The following PLEKHG1 variants were observed in gnomAD, a reference collection of about 807,000 sequenced individuals.
PLEKHG1 encodes the protein pleckstrin homology and RhoGEF domain containing G1, also known as pleckstrin homology domain-containing family G member 1.
Under a neutral mutation model 100.8 loss-of-function variants are expected in PLEKHG1, and 44 were observed. The observed-to-expected ratio is 0.44, with a 90% CI of 0.34 to 0.56. The LOEUF (loss-of-function observed/expected upper bound fraction) is 0.56, where lower values mean the gene tolerates loss of function less well. Among genes scored for constraint, PLEKHG1 ranks in the 20% least tolerant of loss-of-function variants. PLEKHG1 has a pLI of 0.01. For missense variants in PLEKHG1, 1,545 were observed against 1,720.9 expected (o/e 0.90, Z 1.81); for synonymous variants, 640 against 662.5 (o/e 0.97, Z 0.52).
At chr6:150,810,531 A>AAAGG (rs1562540272) in intron 10 of PLEKHG1, among the ~76,000 whole-genome samples, 16 of 103,390 alleles carry the variant, frequency 1.5e-4, no homozygotes, top group Non-Finnish European at 3.5e-4. Flanking sequence ...AGAAAGAAAG[A>AAAGG]AAGAAAGGAA....
intron 7 of PLEKHG1, 103 bp downstream of exon 8, chr6:150,804,844 C>G: frequency 1.9e-6 from 2 of 1,039,342 alleles, no homozygotes; most frequent in Non-Finnish European, 2.8e-6. Flanking sequence ...CTACACTCAT[C>G]ATCTTCAGTG....
At chr6:150,716,296 C>G (rs979404802), upstream of PLEKHG1, among the ~76,000 whole-genome samples, 5 of 152,082 alleles carry the variant, frequency 3.3e-5, no homozygotes, top group African/African-American at 7.2e-5. Context: ...GATAAGTAGG[C>G]CACACCTCCT....
chr6:150,768,794 A>G (rs564689381), intron 3 of PLEKHG1, 56 bp downstream of exon 4: 27 of 1,024,950 alleles, frequency 2.6e-5, no homozygotes, highest in Admixed American at 5.4e-5. Flanking sequence ...AAATTTCTCA[A>G]ATGAATGCAG....
chr6:150,657,269 A>G (rs1779006468), intron 3 of PLEKHG1, among the ~76,000 whole-genome samples: 1 of 118,034 alleles, frequency 8.5e-6, no homozygotes, highest in South Asian at 2.7e-4. Context: ...TGCTTTGTAG[A>G]AAGCACTGAG....
intron 7 of PLEKHG1, among the ~76,000 whole-genome samples, chr6:150,807,792 A>C (rs998535661): frequency 6.6e-6 from 1 of 152,078 alleles, no homozygotes; most frequent in Admixed American, 6.6e-5. Flanking sequence ...AACATAGTGA[A>C]ACCCCATCTC....
chr6:150,724,698 TACATGCAC>T, intron 1 of PLEKHG1, among the ~76,000 whole-genome samples: 1 of 151,808 alleles, frequency 6.6e-6, no homozygotes, highest in South Asian at 2.1e-4. Context: ...TAGCTGGGAT[TACATGCAC>T]CTGCCACTAC....
intron 2 of PLEKHG1, among the ~76,000 whole-genome samples, chr6:150,737,952 C>T (rs1392023352): frequency 6.6e-6 from 1 of 151,746 alleles, no homozygotes; most frequent in Non-Finnish European, 1.5e-5. Context: ...TACAGGTGCA[C>T]ACCACCACAC....
intron 3 of PLEKHG1, among the ~76,000 whole-genome samples, chr6:150,673,378 A>G (rs1313908099): frequency 6.6e-6 from 1 of 152,228 alleles, no homozygotes; most frequent in African/African-American, 2.4e-5. Flanking sequence ...CAAGCCAGAC[A>G]TGGAAGGATC....
At chr6:150,804,406 G>A (rs142754245) in intron 6 of PLEKHG1, among the ~76,000 whole-genome samples, 188 of 150,264 alleles carry the variant, frequency 1.3e-3, no homozygotes, top group Non-Finnish European at 1.8e-3. Context: ...GACTGGTCTC[G>A]AACTCTGGAC....
At chr6:150,826,810 C>T (rs1455887674) in intron 14 of PLEKHG1, among the ~76,000 whole-genome samples, 1 of 151,944 alleles carries the variant, frequency 6.6e-6, no homozygotes, top group East Asian at 1.9e-4. Context: ...GCCCGGCTAA[C>T]TCATTTTTTG....
At chr6:150,611,853 A>G (rs1326367830) in intron 1 of PLEKHG1, among the ~76,000 whole-genome samples, 1 of 151,948 alleles carries the variant, frequency 6.6e-6, no homozygotes, top group East Asian at 1.9e-4. Flanking sequence ...CATTTCTCAT[A>G]GAATATGCTG....
chr6:150,771,540 CTTTTCTTTTTTCTT>C (rs930463851), intron 3 of PLEKHG1, among the ~76,000 whole-genome samples: 2 of 151,674 alleles, frequency 1.3e-5, no homozygotes, highest in East Asian at 3.9e-4. Flanking sequence ...CATCTCTGTT[CTTTTCTTTTTTCTT>C]TTTTCTTTTG....
intron 3 of PLEKHG1, among the ~76,000 whole-genome samples, chr6:150,656,347 C>T (rs774314253): frequency 6.1e-4 from 93 of 152,278 alleles, no homozygotes; most frequent in Non-Finnish European, 1.3e-3. Context: ...GCTCCTGTTC[C>T]TGTCCTTGGA....
chr6:150,609,941 TC>T (rs1776752826), intron 1 of PLEKHG1, among the ~76,000 whole-genome samples: 1 of 152,064 alleles, frequency 6.6e-6, no homozygotes, highest in Non-Finnish European at 1.5e-5. Context: ...GCATCCTCTC[TC>T]CTTTAGTTCC....
intron 1 of PLEKHG1, among the ~76,000 whole-genome samples, chr6:150,725,923 T>C (rs1015248475): frequency 3.3e-5 from 5 of 152,130 alleles, no homozygotes; most frequent in Non-Finnish European, 2.9e-5. Context: ...ATGGGAAAAT[T>C]ATGTGACCAT....
intron 3 of PLEKHG1, among the ~76,000 whole-genome samples, chr6:150,702,545 A>G (rs1011070716): frequency 3.1e-5 from 3 of 96,094 alleles, no homozygotes; most frequent in African/African-American, 1.4e-4. Flanking sequence ...AGTACTTCTC[A>G]TTTTGTTTTG....
intron 1 of PLEKHG1, among the ~76,000 whole-genome samples, chr6:150,605,299 A>G (rs921060897): frequency 2.6e-5 from 4 of 152,222 alleles, no homozygotes; most frequent in African/African-American, 7.2e-5. Context: ...TGCGATACAC[A>G]GTGTAGCAGA....
At chr6:150,657,456 A>T (rs549956197) in intron 3 of PLEKHG1, among the ~76,000 whole-genome samples, 1 of 152,332 alleles carries the variant, frequency 6.6e-6, no homozygotes, top group Non-Finnish European at 1.5e-5. Flanking sequence ...GTTGGTTACA[A>T]TTATTAATTA....
rs901943953 is a variant in PLEKHG1 at position 150,600,095 on chromosome 6, G to T, written c.-204+78G>T. 11 of 173,876 alleles carry T rather than the reference G, an allele frequency of 6.3e-5. 1 individual carries two copies. Among genetic ancestry groups the T allele is most frequent in the African/African-American group, 2.6e-4 (11 of 41,624 alleles). The allele number at this position is 173,876 out of a possible 1,614,324, so 10.8% of individuals were successfully genotyped here. On this transcript the variant is annotated intron_variant, in intron 1 of 3. Transcript: ENST00000367326. The surrounding 1 kb of genome is among the most constrained non-coding windows in gnomAD (Gnocchi z 6.2). ...GGGGACCCGGGGACCTCCGGCGGGA[G>T]CCCCACATCCGCAGGTGGGGCCGGG...
Sources: gnomAD v4.1 joint callset for allele counts (sites outside exome capture counted in the v4.1 genomes callset) on GRCh38, gnomAD v4.1.1 for gene constraint, Gnocchi (gnomAD v3.1) non-coding constraint, MANE v1.5 for transcripts, NCBI Gene and HGNC (gene_info 2026-07-23, HGNC 2026-07-21) for gene names.